The following CSMD1 variants were observed in gnomAD, a reference collection of about 807,000 sequenced individuals.
CSMD1 encodes the protein CUB and sushi domain-containing protein 1.
A neutral mutation model predicts 417.5 loss-of-function variants in CSMD1; 213 were observed. The ratio of observed to expected loss-of-function variants is 0.51; its 90% CI spans 0.46 to 0.57. The LOEUF (loss-of-function observed/expected upper bound fraction) is 0.57. CSMD1 is among the 20% of genes least tolerant of loss of function. The pLI is 0.00. For synonymous variants in CSMD1, 2,862 were observed against 1,736.8 expected (o/e 1.65, Z -16.11); for missense variants, 6,923 against 4,529.7 (o/e 1.53, Z -15.17).
At chr8:3,230,348 C>A in intron 26 of CSMD1, 117 bp from the exon 27 acceptor site, 4 of 698,484 alleles carry the variant, frequency 5.7e-6, no homozygotes, top group Non-Finnish European at 4.5e-6. Flanking sequence ...AGTCATTTGT[C>A]TACACATGAA....
intron 49 of CSMD1, among the ~76,000 whole-genome samples, chr8:3,064,015 G>T (rs1488887598): frequency 6.6e-6 from 1 of 152,180 alleles, no homozygotes; most frequent in Admixed American, 6.5e-5. Context: ...AGTTAGATAG[G>T]GAACATTAAG....
intron 3 of CSMD1, among the ~76,000 whole-genome samples, chr8:4,046,167 A>T (rs1027244554): frequency 9.2e-5 from 14 of 152,112 alleles, no homozygotes; most frequent in Admixed American, 9.2e-4. Flanking sequence ...ATATACACAC[A>T]CAATTTATAT....
intron 3 of CSMD1, among the ~76,000 whole-genome samples, chr8:4,259,270 C>G (rs547698602): frequency 5.9e-5 from 9 of 152,174 alleles, no homozygotes; most frequent in Non-Finnish European, 1.0e-4. Flanking sequence ...AGCAACCCCC[C>G]TCCCTGGCTG....
chr8:3,516,557 T>C (rs1299606654), intron 10 of CSMD1, among the ~76,000 whole-genome samples: 1 of 152,224 alleles, frequency 6.6e-6, no homozygotes, highest in Admixed American at 6.5e-5. Context: ...AGGTCATGTC[T>C]GCTTGAAAAT....
chr8:3,468,055 A>G (rs972694683), intron 12 of CSMD1, among the ~76,000 whole-genome samples: 3 of 152,224 alleles, frequency 2.0e-5, no homozygotes, highest in African/African-American at 7.2e-5. Context: ...TATTTTAAAA[A>G]CTATTTCAAA....
intron 3 of CSMD1, among the ~76,000 whole-genome samples, chr8:4,199,571 A>T (rs1799532184): frequency 6.6e-6 from 1 of 152,202 alleles, no homozygotes; most frequent in Non-Finnish European, 1.5e-5. Context: ...GAGCTACCGG[A>T]CAACAGACAA....
At chr8:3,242,857 T>C (rs976967766) in intron 26 of CSMD1, among the ~76,000 whole-genome samples, 1 of 151,552 alleles carries the variant, frequency 6.6e-6, no homozygotes, top group Non-Finnish European at 1.5e-5. Flanking sequence ...GGCGCAGAAA[T>C]AAGGGATCGG....
chr8:3,329,677 A>C (rs1806769448), intron 23 of CSMD1, among the ~76,000 whole-genome samples: 2 of 152,172 alleles, frequency 1.3e-5, no homozygotes, highest in Admixed American at 1.3e-4. Context: ...CCATTACCAG[A>C]AAGAGTTGCC....
At chr8:3,735,171 C>T (rs1224295059) in intron 6 of CSMD1, among the ~76,000 whole-genome samples, 1 of 152,222 alleles carries the variant, frequency 6.6e-6, no homozygotes, top group African/African-American at 2.4e-5. Context: ...AGTCATATTT[C>T]CCTTGATCAG....
intron 3 of CSMD1, among the ~76,000 whole-genome samples, chr8:4,043,647 G>A (rs985411854): frequency 5.9e-5 from 9 of 152,178 alleles, no homozygotes; most frequent in African/African-American, 2.2e-4. Context: ...TTTAATTCTA[G>A]GAGTGGTGGT....
At chr8:4,254,947 G>A (rs1283485699) in intron 3 of CSMD1, among the ~76,000 whole-genome samples, 2 of 152,132 alleles carry the variant, frequency 1.3e-5, no homozygotes, top group Non-Finnish European at 2.9e-5. Flanking sequence ...ACACATGACT[G>A]GAGTGGACTC....
intron 1 of CSMD1, among the ~76,000 whole-genome samples, chr8:4,687,268 A>C (rs957411095): frequency 1.3e-5 from 2 of 152,238 alleles, no homozygotes; most frequent in African/African-American, 4.8e-5. Flanking sequence ...TATCAGATGA[A>C]GGAGGACAAG....
At chr8:4,388,914 CAA>C (rs1237304792) in intron 3 of CSMD1, among the ~76,000 whole-genome samples, 4 of 152,118 alleles carry the variant, frequency 2.6e-5, no homozygotes, top group African/African-American at 9.7e-5. Flanking sequence ...GCTATTTGTT[CAA>C]AGTTACTAAT....
At chr8:4,070,813 T>C (rs1172269955) in intron 3 of CSMD1, among the ~76,000 whole-genome samples, 1 of 152,216 alleles carries the variant, frequency 6.6e-6, no homozygotes, top group Admixed American at 6.5e-5. Context: ...ATTTTCTGAC[T>C]CACCCTCATT....
chr8:4,736,521 G>A (rs958657038), intron 1 of CSMD1, among the ~76,000 whole-genome samples: 3 of 152,142 alleles, frequency 2.0e-5, no homozygotes, highest in South Asian at 2.1e-4. Flanking sequence ...ATACACTGCG[G>A]CCATGACAGC....
At chr8:4,105,928 T>A (rs1034344297) in intron 3 of CSMD1, among the ~76,000 whole-genome samples, 3 of 152,224 alleles carry the variant, frequency 2.0e-5, no homozygotes, top group African/African-American at 7.2e-5. Context: ...CAAGGTTCGG[T>A]GCGTCCTGAA....
chr8:4,410,650 G>A (rs1168732027), intron 3 of CSMD1, among the ~76,000 whole-genome samples: 2 of 152,082 alleles, frequency 1.3e-5, no homozygotes, highest in Non-Finnish European at 1.5e-5. Context: ...TGTAAACATG[G>A]AGAAATTTGC....
chr8:4,557,695 G>C (rs565330081), intron 2 of CSMD1, among the ~76,000 whole-genome samples: 1 of 151,530 alleles, frequency 6.6e-6, no homozygotes, highest in East Asian at 1.9e-4. Flanking sequence ...ATAGAAGGAA[G>C]GAAAAAGGTC....
At chr8:3,353,373 C>G (rs1463727676) in intron 21 of CSMD1, among the ~76,000 whole-genome samples, 2 of 152,230 alleles carry the variant, frequency 1.3e-5, no homozygotes, top group Non-Finnish European at 2.9e-5. Flanking sequence ...CTCTCTAACA[C>G]TACCCCTACC....
Sources: gnomAD v4.1 joint callset for allele counts (sites outside exome capture counted in the v4.1 genomes callset) on GRCh38, gnomAD v4.1.1 for gene constraint, MANE v1.5 for transcripts, NCBI Gene and HGNC (gene_info 2026-07-23, HGNC 2026-07-21) for gene names.